Variants in IMMP1L observed in about 807,000 individuals in gnomAD.
IMMP1L encodes mitochondrial inner membrane protease subunit 1.
A neutral mutation model predicts 21.8 loss-of-function variants in IMMP1L; 24 were observed. The ratio of observed to expected loss-of-function variants is 1.10; its 90% CI spans 0.80 to 1.55. The LOEUF (loss-of-function observed/expected upper bound fraction) is 1.55. IMMP1L is among the 40% of genes most tolerant of loss of function. The pLI is 0.00. For missense variants in IMMP1L, 195 were observed against 200.7 expected, an observed-to-expected ratio of 0.97 and a Z score of 0.17; for synonymous variants, 46 against 62.8, an observed-to-expected ratio of 0.73 and a Z score of 1.26.
At chr11:31,464,605 T>C (rs1170540742) in intron 1 of IMMP1L, among the ~76,000 whole-genome samples, 2 of 152,152 alleles carry the variant, frequency 1.3e-5, no homozygotes, top group Non-Finnish European at 2.9e-5. Context: ...AGATGGGATT[T>C]ATCCCAGGGA....
intron 1 of IMMP1L, among the ~76,000 whole-genome samples, chr11:31,479,296 C>T (rs2755180): frequency 0.36 from 54,488 of 151,506 alleles, 11,952 homozygotes; most frequent in African/African-American, 0.62. Context: ...ATCACAATCT[C>T]TTTAAACATA....
At chr11:31,473,685 A>G (rs1469463834) in intron 1 of IMMP1L, 1 of 889,174 alleles carries the variant, frequency 1.1e-6, no homozygotes, top group Non-Finnish European at 1.3e-6. Context: ...ATCCAATTCT[A>G]AGATTCTAAT....
chr11:31,446,626 T>C (rs1953533317), intron 4 of IMMP1L, among the ~76,000 whole-genome samples: 1 of 152,210 alleles, frequency 6.6e-6, no homozygotes, highest in African/African-American at 2.4e-5. Flanking sequence ...ACTGGAACTC[T>C]TACTTTTGGC....
At chr11:31,508,600 C>A (rs1955867911) in intron 1 of IMMP1L, among the ~76,000 whole-genome samples, 1 of 152,122 alleles carries the variant, frequency 6.6e-6, no homozygotes, top group Non-Finnish European at 1.5e-5. Flanking sequence ...ACAGAATCAG[C>A]CCAAAAATTT....
At chr11:31,490,164 GTGTGTGTA>G (rs2133786943) in intron 1 of IMMP1L, among the ~76,000 whole-genome samples, 1 of 152,266 alleles carries the variant, frequency 6.6e-6, no homozygotes, top group African/African-American at 2.4e-5. Flanking sequence ...ATTCACATAT[GTGTGTGTA>G]TGTAATGTGC....
chr11:31,501,315 G>A (rs1955610651), intron 1 of IMMP1L, among the ~76,000 whole-genome samples: 1 of 152,212 alleles, frequency 6.6e-6, no homozygotes, highest in South Asian at 2.1e-4. Flanking sequence ...CAATAGTGTT[G>A]AGAGGTGAGG....
intron 1 of IMMP1L, among the ~76,000 whole-genome samples, chr11:31,484,643 C>T (rs1955012976): frequency 6.6e-6 from 1 of 151,810 alleles, no homozygotes; most frequent in South Asian, 2.1e-4. Flanking sequence ...AAAATTGGTA[C>T]TGAGATGAGG....
chr11:31,433,550 C>A lies in IMMP1L; in HGVS notation c.342G>T (p.Trp114Cys), dbSNP rs1554936698. The change falls in exon 5 of 6, where the codon TGG (tryptophan) becomes TGT (cysteine). Residue 114 changes from tryptophan (W) to cysteine (C), a missense_variant. Transcript: ENST00000532287. ...SHSYVPMGHV[W>C]LEGDNLQNST... ...AATTCTGTAGATTGTCACCTTCTAACCAAACATGACCCATTGGCACCTAGA... is the reference window on the plus strand; with the variant it reads ...AATTCTGTAGATTGTCACCTTCTAAACAAACATGACCCATTGGCACCTAGA... 6.2e-7 allele frequency: 1 copy of A among 1,610,448 alleles called. No individual in the cohort carries two copies. Among genetic ancestry groups the A allele is most frequent in the Admixed American group, 1.7e-5 (1 of 59,894 alleles).
intron 1 of IMMP1L, among the ~76,000 whole-genome samples, chr11:31,493,406 G>T (rs1175700433): frequency 6.6e-6 from 1 of 152,072 alleles, no homozygotes; most frequent in African/African-American, 2.4e-5. Flanking sequence ...AACAGTATGG[G>T]GGTAACCCAC....
At chr11:31,469,395 T>TA (rs1318344019) in intron 1 of IMMP1L, among the ~76,000 whole-genome samples, 1 of 151,950 alleles carries the variant, frequency 6.6e-6, no homozygotes, top group Non-Finnish European at 1.5e-5. Flanking sequence ...AGCAGTGACC[T>TA]AAAATCTATT....
chr11:31,447,254 C>T (rs1301279999), intron 4 of IMMP1L, among the ~76,000 whole-genome samples: 1 of 152,180 alleles, frequency 6.6e-6, no homozygotes, highest in Admixed American at 6.5e-5. Context: ...TCCCAGTCTA[C>T]CCTTAGATGT....
In IMMP1L at chr11:31,495,101, CAG is replaced by C. The variant is rs1191996110; in HGVS notation, c.-30+14416_-30+14417del. On this transcript the variant is annotated intron_variant, in intron 1 of 5. Transcript: ENST00000532287. ...CACCAGTCTCTTTGCTAAAGCATAG[CAG>C]AGTTACCTTTGCTCCAGTTCCTAGT... 6.6e-5 allele frequency among the ~76,000 whole-genome samples: 10 copies of C among 152,326 alleles called. No homozygotes were observed. In the East Asian group the frequency reaches 1.2e-3, roughly 18 times the overall value.
At chr11:31,434,029 GTAAT>G (rs1352474143) in intron 4 of IMMP1L, among the ~76,000 whole-genome samples, 2 of 152,092 alleles carry the variant, frequency 1.3e-5, no homozygotes, top group African/African-American at 4.8e-5. Flanking sequence ...GAACTAAATG[GTAAT>G]TGATTGTGAC....
At chr11:31,469,604 C>T (rs1316346762) in intron 1 of IMMP1L, 1 of 152,080 alleles carries the variant, frequency 6.6e-6, no homozygotes, top group African/African-American at 2.4e-5. Flanking sequence ...CCAGGAGAAA[C>T]AGTACTAATA....
At chr11:31,468,611 C>T (rs914170856) in intron 1 of IMMP1L, among the ~76,000 whole-genome samples, 2 of 152,126 alleles carry the variant, frequency 1.3e-5, no homozygotes, top group Non-Finnish European at 2.9e-5. Flanking sequence ...GCTACTACTA[C>T]GTACCAGATA....
intron 2 of IMMP1L, 101 bp from the exon 3 acceptor site, chr11:31,460,815 C>A: frequency 1.2e-6 from 1 of 858,672 alleles, no homozygotes; most frequent in South Asian, 1.6e-5. Flanking sequence ...AGCAAATGTT[C>A]CTAAAGCTTG....
At chr11:31,440,421 C>T (rs1048142276) in intron 4 of IMMP1L, among the ~76,000 whole-genome samples, 12 of 152,038 alleles carry the variant, frequency 7.9e-5, no homozygotes, top group Non-Finnish European at 4.4e-5. Context: ...GACAAAATGT[C>T]GCTCTCTCGC....
intron 1 of IMMP1L, among the ~76,000 whole-genome samples, chr11:31,498,760 T>C (rs942114358): frequency 1.3e-5 from 2 of 152,216 alleles, no homozygotes; most frequent in Non-Finnish European, 2.9e-5. Context: ...CTGACCTAGA[T>C]AGAACAAGTT....
At chr11:31,493,353 A>G (rs1454883077) in intron 1 of IMMP1L, among the ~76,000 whole-genome samples, 1 of 152,148 alleles carries the variant, frequency 6.6e-6, no homozygotes, top group Non-Finnish European at 1.5e-5. Flanking sequence ...AAAGCCCCTT[A>G]TGAAACCATC....
Sources: gnomAD v4.1 joint callset for allele counts (sites outside exome capture counted in the v4.1 genomes callset) on GRCh38, gnomAD v4.1.1 for gene constraint, MANE v1.5 for transcripts, NCBI Gene and HGNC (gene_info 2026-07-23, HGNC 2026-07-21) for gene names.